Variants in RBM33 observed in about 807,000 individuals in gnomAD.
RBM33 encodes RNA-binding protein 33.
A neutral mutation model predicts 132.6 loss-of-function variants in RBM33; 28 were observed. That is an observed-to-expected ratio of 0.21 (90% CI 0.16 to 0.29). The LOEUF (loss-of-function observed/expected upper bound fraction) is 0.29. Among genes scored for constraint, RBM33 ranks in the 10% least tolerant of loss-of-function variants. The probability of loss-of-function intolerance (pLI) is 1.00; values close to 1 mark genes in which losing one functional copy is unlikely to be tolerated. For missense variants in RBM33, 1,291 were observed against 1,518.5 expected (o/e 0.85, Z 2.49); for synonymous variants, 634 against 593.0 (o/e 1.07, Z -1.01).
In RBM33 at chr7:155,766,499, C is replaced by T. The variant is rs545044951; in HGVS notation, c.3219C>T (p.Ala1073=). ...TGCACGGACGAGGCAGAGGAGTGGC[C>T]GGTCCCATGGGCCGGGGGCGCCTGA... ...AIMHGRGRGV[A]GPMGRGRLMP... The change falls in exon 16 of 18, where the codon GCC becomes GCT. Residue 1073 remains alanine, a synonymous_variant. Transcript: ENST00000401878. The T allele has an allele frequency of 6.8e-6, 11 of 1,613,668 alleles. No individual in the cohort carries two copies. Among genetic ancestry groups the T allele is most frequent in the African/African-American group, 2.7e-5 (2 of 75,014 alleles).
chr7:155,686,900 A>T (rs1585437768), intron 5 of RBM33, among the ~76,000 whole-genome samples: 1 of 152,142 alleles, frequency 6.6e-6, no homozygotes, highest in African/African-American at 2.4e-5. Flanking sequence ...TTGGGTTGGT[A>T]CCAAGTCTTT....
At chr7:155,673,149 C>A (rs1798990721) in intron 3 of RBM33, among the ~76,000 whole-genome samples, 1 of 152,018 alleles carries the variant, frequency 6.6e-6, no homozygotes, top group Admixed American at 6.6e-5. Context: ...TTGTCCAAGG[C>A]ACTCTGGCAG....
intron 16 of RBM33, among the ~76,000 whole-genome samples, chr7:155,771,085 T>C (rs762681521): frequency 1.3e-5 from 2 of 152,204 alleles, no homozygotes; most frequent in African/African-American, 2.4e-5. Context: ...CAGTACGTTA[T>C]GTGGGGGCTG....
intron 16 of RBM33, among the ~76,000 whole-genome samples, chr7:155,769,942 T>G (rs1306605200): frequency 6.6e-6 from 1 of 152,136 alleles, no homozygotes; most frequent in Non-Finnish European, 1.5e-5. Flanking sequence ...CGGTTGTTAA[T>G]CATTCCAAAA....
At chr7:155,687,644 A>G (rs1191011090) in intron 5 of RBM33, among the ~76,000 whole-genome samples, 1 of 152,080 alleles carries the variant, frequency 6.6e-6, no homozygotes, top group Admixed American at 6.5e-5. Flanking sequence ...ATCTTGAATT[A>G]ATTTTCGTAT....
At chr7:155,718,205 C>CGAAAAGGAAA (rs1800520776) in intron 8 of RBM33, among the ~76,000 whole-genome samples, 180 bp from the exon 9 acceptor site, 1 of 152,142 alleles carries the variant, frequency 6.6e-6, no homozygotes, top group African/African-American at 2.4e-5. Context: ...GAAACTTCTG[C>CGAAAAGGAAA]TTTCCCCTTT....
intron 5 of RBM33, among the ~76,000 whole-genome samples, chr7:155,690,001 C>G (rs1799589997): frequency 6.6e-6 from 1 of 152,176 alleles, no homozygotes; most frequent in African/African-American, 2.4e-5. Flanking sequence ...TGGTGCAGAG[C>G]TGAGTTCAAT....
intron 3 of RBM33, among the ~76,000 whole-genome samples, chr7:155,677,301 C>T (rs1003988820): frequency 2.0e-5 from 3 of 151,466 alleles, no homozygotes; most frequent in East Asian, 1.9e-4. Flanking sequence ...CTCCACTTTC[C>T]GATTTCAAGC....
chr7:155,743,810 G>C lies in RBM33; in HGVS notation c.2338-1151G>C, dbSNP rs113488695. On this transcript the variant is annotated intron_variant, in intron 13 of 17. Transcript: ENST00000401878. ...TGACTAGTAATTATTCCTGTGTTTT[G>C]AGGCAGTGGCCCCTTGGGTCCTGTG... Among the ~76,000 whole-genome samples, 17 of 152,206 alleles carry C rather than the reference G, an allele frequency of 1.1e-4. 2 individuals carry two copies. The highest frequency in any genetic ancestry group is 4.1e-4 in the African/African-American group (17 of 41,546).
At chr7:155,725,289 TTGAG>T (rs1338781030) in intron 9 of RBM33, among the ~76,000 whole-genome samples, 4 of 142,134 alleles carry the variant, frequency 2.8e-5, no homozygotes, top group South Asian at 2.2e-4. Context: ...TAAAAAAAAA[TTGAG>T]TGATCACTAT....
chr7:155,737,863 T>C (rs1271221083), intron 10 of RBM33, among the ~76,000 whole-genome samples, 197 bp from the exon 11 acceptor site: 1 of 152,198 alleles, frequency 6.6e-6, no homozygotes, highest in African/African-American at 2.4e-5. Flanking sequence ...ACATCTCATA[T>C]AAAAGGGAAT....
Position 155,644,969 on chromosome 7 carries a change from G to T in RBM33, c.43+50G>T, listed in dbSNP as rs575282854. 1.1e-5 allele frequency: 16 copies of T among 1,412,228 alleles called. No homozygotes were observed. The Admixed American group carries it at 1.5e-4, about 13-fold the overall frequency. The allele number at this position is 1,412,228 out of a possible 1,614,324, so 87.5% of individuals were successfully genotyped here. On this transcript the variant is annotated intron_variant, in intron 1 of 17. Transcript: ENST00000401878. ...GGGCCAGGACCGCGCCGCGGTGGGCGGGGGTGTAGGCCGGGGGGCCTCCCC... is the reference window on the plus strand; with the variant it reads ...GGGCCAGGACCGCGCCGCGGTGGGCTGGGGTGTAGGCCGGGGGGCCTCCCC...
chr7:155,658,537 A>T (rs1214691417), intron 1 of RBM33, among the ~76,000 whole-genome samples: 1 of 152,042 alleles, frequency 6.6e-6, no homozygotes, highest in African/African-American at 2.4e-5. Context: ...AGTAGCTGGG[A>T]TAACAGGCGC....
At chr7:155,675,633 C>T (rs180950449) in intron 3 of RBM33, among the ~76,000 whole-genome samples, 3 of 152,264 alleles carry the variant, frequency 2.0e-5, no homozygotes, top group East Asian at 1.9e-4. Flanking sequence ...TTCCTGTTTA[C>T]GCACTCACTC....
chr7:155,740,035 C>CA lies in RBM33; in HGVS notation c.2049+11dup, dbSNP rs745752260. The CA allele has an allele frequency of 2.6e-6, 4 of 1,525,744 alleles. No individual in the cohort carries two copies. The highest frequency in any genetic ancestry group is 4.0e-5 in the Admixed American group (2 of 50,354). The allele number at this position is 1,525,744 out of a possible 1,614,324, so 94.5% of individuals were successfully genotyped here. A position where few individuals can be genotyped will look rare whatever the true frequency, so the allele number is the denominator to read the frequency against. On this transcript the variant is annotated intron_variant, in intron 12 of 17. Coordinates refer to ENST00000401878, the MANE Select transcript of RBM33 (RefSeq NM_053043.3). ...GCCAGGGGCTCCGGCATGTAAGTGT[C>CA]AAGGGGTGTCTTCCCTGTGTCTTCC...
Position 155,644,764 on chromosome 7 carries a change from T to C in RBM33, c.-113T>C, listed in dbSNP as rs993144730. Reference sequence around the variant, plus strand: ...AGCGCCCGGCTTCGCCTCTGCCTCCTGCAGCCCCCTCCCTTCTCTGTCCTC... The same window carrying C: ...AGCGCCCGGCTTCGCCTCTGCCTCCCGCAGCCCCCTCCCTTCTCTGTCCTC... On this transcript the variant is annotated 5_prime_UTR_variant, in exon 1 of 18. Transcript: ENST00000401878. 3 of 892,556 alleles carry C rather than the reference T, an allele frequency of 3.4e-6. No individual in the cohort carries two copies. The highest frequency in any genetic ancestry group is 1.8e-5 in the African/African-American group (1 of 56,280). The allele number at this position is 892,556 out of a possible 1,614,324, so 55.3% of individuals were successfully genotyped here.
rs200440039 is a variant in RBM33 at position 155,711,335 on chromosome 7, A to C, written c.1081A>C (p.Met361Leu). The stretch of plus-strand genomic sequence containing the variant: ...CCCATCCCCGCCTCAGGGAATGCAC[A>C]TGCCTCCCCAGCTAGAGACCCCAAG... ...HHPSPPQGMH[M>L]PPQLETPRMM... Residue 361 changes from methionine (M) to leucine (L), a missense_variant, in exon 8 of 18, where the codon ATG becomes CTG. Met to Leu is a conservative substitution (Grantham distance 15). Transcript: ENST00000401878. The C allele has an allele frequency of 1.3e-3, 2,155 of 1,604,374 alleles. 2 individuals are homozygous for C. Among genetic ancestry groups the C allele is most frequent in the Non-Finnish European group, 1.7e-3 (2,017 of 1,175,768 alleles).
chr7:155,717,208 G>C (rs183327567), intron 8 of RBM33, among the ~76,000 whole-genome samples: 68 of 152,298 alleles, frequency 4.5e-4, no homozygotes, highest in South Asian at 4.1e-4. Flanking sequence ...ACCGCAAATA[G>C]GGTGAGTTAA....
At chr7:155,749,980 C>G (rs1264712074) in intron 14 of RBM33, among the ~76,000 whole-genome samples, 1 of 152,186 alleles carries the variant, frequency 6.6e-6, no homozygotes, top group Non-Finnish European at 1.5e-5. Context: ...TGAGGCTAAT[C>G]AATTTCTGTG....
Sources: allele counts gnomAD v4.1 joint callset (sites outside exome capture counted in the v4.1 genomes callset), GRCh38; gene constraint gnomAD v4.1.1; transcripts MANE v1.5; gene names NCBI Gene and HGNC (gene_info 2026-07-23, HGNC 2026-07-21).